Variants in DMC1 observed in about 807,000 individuals in gnomAD.
The protein encoded by DMC1 is DNA meiotic recombinase 1.
In DMC1, 27 loss-of-function variants were observed where a neutral mutation model predicts 50.1. The ratio of observed to expected loss-of-function variants is 0.54; its 90% CI spans 0.40 to 0.74. DMC1 has a LOEUF of 0.74. DMC1 is among the 30% of genes least tolerant of loss of function. The pLI is 0.00. For missense variants in DMC1, 295 were observed against 420.2 expected (o/e 0.70, Z 2.60); for synonymous variants, 148 against 136.1 (o/e 1.09, Z -0.61).
rs185493219 is a variant in DMC1 at position 38,551,104 on chromosome 22, C to T, written c.422-1107G>A. On this transcript the variant is annotated intron_variant, in intron 7 of 13. Transcript: ENST00000216024. ...GAAAATACAAAAAACAAAAATTAGC[C>T]GGGCATGGTCGTGAGTGCCTGTAAT... Among the ~76,000 whole-genome samples the T allele has an allele frequency of 4.1e-3, 594 of 143,648 alleles. 13 individuals carry two copies. Among genetic ancestry groups the T allele is most frequent in the Admixed American group, 0.03 (425 of 14,214 alleles). The allele number at this position is 143,648 out of a possible 152,430, so 94.2% of individuals were successfully genotyped here.
At chr22:38,550,374 C>T (rs1234658624) in intron 7 of DMC1, among the ~76,000 whole-genome samples, 6 of 142,800 alleles carry the variant, frequency 4.2e-5, no homozygotes, top group African/African-American at 1.0e-4. Flanking sequence ...AGTGCAGTGG[C>T]GCAATCTCAG....
chr22:38,568,883 G>T lies in DMC1; in HGVS notation c.-33-594C>A, dbSNP rs371313921. 6.6e-5 allele frequency among the ~76,000 whole-genome samples: 10 copies of T among 152,186 alleles called. No individual in the cohort carries two copies. In the East Asian group the frequency reaches 1.9e-3, roughly 29 times the overall value. ...CTTTCACAGTATTTACTAGTTTCAT[G>T]ATTTTTTTAAGATTTAAAAATATGG... On this transcript the variant is annotated intron_variant, in intron 1 of 13. Coordinates refer to ENST00000216024, the MANE Select transcript of DMC1 (RefSeq NM_007068.4).
downstream of DMC1, among the ~76,000 whole-genome samples, chr22:38,516,798 G>A (rs986083119): frequency 1.3e-5 from 2 of 152,082 alleles, no homozygotes; most frequent in African/African-American, 2.4e-5. Context: ...AACAGTTGAG[G>A]AGTGGCCAGT....
intron 12 of DMC1, among the ~76,000 whole-genome samples, chr22:38,535,236 C>T (rs2090197737): frequency 6.6e-6 from 1 of 151,232 alleles, no homozygotes; most frequent in South Asian, 2.1e-4. Flanking sequence ...GAGGCGGAGA[C>T]TGCAGTGAGC....
intron 8 of DMC1, among the ~76,000 whole-genome samples, chr22:38,548,541 T>A (rs554835146): frequency 1.3e-5 from 2 of 152,176 alleles, no homozygotes; most frequent in South Asian, 4.2e-4. Context: ...GCCACTGCAC[T>A]CCAGCCTGGG....
At chr22:38,566,523 T>G in intron 4 of DMC1, 67 bp downstream of exon 4, 622 of 1,561,376 alleles carry the variant, frequency 4.0e-4, no homozygotes, top group Non-Finnish European at 4.9e-4. Flanking sequence ...CTAGTTTTCA[T>G]GAGAAAGCCT....
intron 1 of DMC1, among the ~76,000 whole-genome samples, chr22:38,568,825 C>A (rs939386571): frequency 6.6e-6 from 1 of 152,242 alleles, no homozygotes; most frequent in African/African-American, 2.4e-5. Context: ...GTAACATCCA[C>A]CTTTTTGTTT....
intron 8 of DMC1, chr22:38,546,245 C>A (rs2090343158): frequency 6.6e-6 from 1 of 151,882 alleles, no homozygotes; most frequent in Admixed American, 6.6e-5. Flanking sequence ...ACAAAATTAG[C>A]CGGGTGTGGT....
chr22:38,513,416 CTG>C, the DMC1 span, among the ~76,000 whole-genome samples: 9 of 152,212 alleles, frequency 5.9e-5, no homozygotes, highest in African/African-American at 1.7e-4. Context: ...GAAATGCAAA[CTG>C]TGCAACCAGA....
At chr22:38,551,347 C>A (rs2090408826) in intron 7 of DMC1, among the ~76,000 whole-genome samples, 1 of 149,742 alleles carries the variant, frequency 6.7e-6, no homozygotes, top group South Asian at 2.1e-4. Context: ...CTTTTTTTTT[C>A]GAGACAGGTC....
chr22:38,544,275 C>A (rs187539729), intron 8 of DMC1, among the ~76,000 whole-genome samples: 1 of 152,338 alleles, frequency 6.6e-6, no homozygotes, highest in East Asian at 1.9e-4. Context: ...CTGCTTATGG[C>A]AAACCTGCCT....
intron 4 of DMC1, among the ~76,000 whole-genome samples, chr22:38,563,671 T>C (rs1022656350): frequency 4.0e-5 from 6 of 151,582 alleles, no homozygotes; most frequent in Non-Finnish European, 8.8e-5. Flanking sequence ...CTGGCCAATA[T>C]AGTAAGACCA....
chr22:38,554,457 A>C lies in DMC1; in HGVS notation c.379+900T>G, dbSNP rs553581498. On this transcript the variant is annotated intron_variant, in intron 6 of 13. Transcript: ENST00000216024. ...CCAAGTCAACAGAAAAAAAAAAAAA[A>C]AAAACAGATTTAGTTCTCCAAGGAC... Among the ~76,000 whole-genome samples, 315 of 152,158 alleles carry C rather than the reference A, an allele frequency of 2.1e-3. 1 individual carries two copies. Among genetic ancestry groups the C allele is most frequent in the South Asian group, 5.6e-3 (27 of 4,816 alleles).
At chr22:38,533,561 A>G (rs2090179080) in intron 12 of DMC1, among the ~76,000 whole-genome samples, 1 of 152,186 alleles carries the variant, frequency 6.6e-6, no homozygotes, top group Non-Finnish European at 1.5e-5. Flanking sequence ...ATATCTTTTA[A>G]TATATCTGTC....
chr22:38,536,044 A>G (rs2090208157), intron 12 of DMC1, among the ~76,000 whole-genome samples: 1 of 148,386 alleles, frequency 6.7e-6, no homozygotes, highest in Non-Finnish European at 1.5e-5. Context: ...AACATGGCAA[A>G]ACCCTGTCTC....
At chr22:38,548,861 T>G (rs1344136364) in intron 8 of DMC1, among the ~76,000 whole-genome samples, 1 of 151,958 alleles carries the variant, frequency 6.6e-6, no homozygotes, top group Admixed American at 6.6e-5. Flanking sequence ...AAAGTAAAAT[T>G]AGTACATTAA....
intron 11 of DMC1, among the ~76,000 whole-genome samples, chr22:38,537,912 A>G (rs1371407894): frequency 1.3e-5 from 2 of 152,162 alleles, no homozygotes; most frequent in Admixed American, 1.3e-4. Context: ...TGGGAGGCTG[A>G]GGCGGACAGA....
At chr22:38,552,890 C>G (rs1176036702) in intron 6 of DMC1, among the ~76,000 whole-genome samples, 183 bp from the exon 7 acceptor site, 1 of 151,642 alleles carries the variant, frequency 6.6e-6, no homozygotes, top group East Asian at 2.0e-4. Flanking sequence ...TGCTCTCACT[C>G]AGGCTGGAGT....
intron 3 of DMC1, 122 bp from the exon 4 acceptor site, chr22:38,566,858 C>T (rs2090586082): frequency 2.1e-6 from 2 of 957,314 alleles, no homozygotes. Flanking sequence ...TACAAGCTGC[C>T]AGGTGGAACC....
Sources: gnomAD v4.1 joint callset for allele counts (sites outside exome capture counted in the v4.1 genomes callset) on GRCh38, gnomAD v4.1.1 for gene constraint, MANE v1.5 for transcripts, NCBI Gene and HGNC (gene_info 2026-07-23, HGNC 2026-07-21) for gene names.